Variants in CMIP observed in about 807,000 individuals in gnomAD.
CMIP encodes the protein c-Maf inducing protein, also known as C-Maf-inducing protein.
In CMIP, 13 loss-of-function variants were observed where a neutral mutation model predicts 97.3. That is an observed-to-expected ratio of 0.13 (90% CI 0.09 to 0.21). The LOEUF is 0.21. CMIP is among the 10% of genes least tolerant of loss of function. The probability of loss-of-function intolerance (pLI) is 1.00; values close to 1 mark genes in which losing one functional copy is unlikely to be tolerated. For missense variants in CMIP, 847 were observed against 1,024.9 expected, an observed-to-expected ratio of 0.83 and a Z score of 2.37; for synonymous variants, 538 against 436.3, an observed-to-expected ratio of 1.23 and a Z score of -2.91.
chr16:81,507,247 C>G (rs554655845), intron 1 of CMIP, among the ~76,000 whole-genome samples: 1 of 152,306 alleles, frequency 6.6e-6, no homozygotes, highest in East Asian at 1.9e-4. Context: ...GAGCTAGACT[C>G]TGTCTTAAAA....
chr16:81,656,214 G>A (rs2092480011), intron 4 of CMIP, among the ~76,000 whole-genome samples: 1 of 152,204 alleles, frequency 6.6e-6, no homozygotes, highest in Non-Finnish European at 1.5e-5. Context: ...GCCTCCCGCA[G>A]CCCTCGGGAG....
Position 81,445,012 on chromosome 16 carries a change from G to C in CMIP, c.-230G>C, listed in dbSNP as rs931523539. On this transcript the variant is annotated 5_prime_UTR_variant, in exon 1 of 21. Transcript: ENST00000537098. Reference sequence around the variant, plus strand: ...GCCGCCGCGAGCATGCACCCGACGAGCTAGGAGGAAGCCCGGAGCCCCGCA... The same window carrying C: ...GCCGCCGCGAGCATGCACCCGACGACCTAGGAGGAAGCCCGGAGCCCCGCA... Among the ~76,000 whole-genome samples, 1 of 145,298 alleles carries C rather than the reference G, an allele frequency of 6.9e-6. No individual in the cohort carries two copies. Among genetic ancestry groups the C allele is most frequent in the Non-Finnish European group, 1.5e-5 (1 of 65,386 alleles).
rs1460141171 is a variant in CMIP at position 81,711,355 on chromosome 16, CA to C, written c.*1557del. On this transcript the variant is annotated 3_prime_UTR_variant, in exon 21 of 21. Transcript: ENST00000537098. The stretch of plus-strand genomic sequence containing the variant: ...TGCTAGGTAGACTTTATTACCCCCC[CA>C]CTATGCCCTCATTTTTTTAAAAAAG... The C allele has an allele frequency of 6.6e-6, 1 of 152,176 alleles. No homozygotes were observed. The highest frequency in any genetic ancestry group is 2.4e-5 in the African/African-American group (1 of 41,320). The allele number at this position is 152,176 out of a possible 1,614,324, so 9.4% of individuals were successfully genotyped here.
chr16:81,645,914 G>C (rs1034107935), intron 3 of CMIP: 12 of 451,600 alleles, frequency 2.7e-5, no homozygotes, highest in African/African-American at 2.2e-4. Context: ...AAGGAAACTG[G>C]TGCAAGTAAT....
At chr16:81,626,515 G>A (rs1342477110) in intron 3 of CMIP, among the ~76,000 whole-genome samples, 1 of 150,504 alleles carries the variant, frequency 6.6e-6, no homozygotes. Flanking sequence ...CTGAGCATGT[G>A]TGTGTGTGGT....
chr16:81,578,983 C>T (rs2091249924), intron 1 of CMIP, among the ~76,000 whole-genome samples: 1 of 152,230 alleles, frequency 6.6e-6, no homozygotes, highest in African/African-American at 2.4e-5. Context: ...TCAGGAGACA[C>T]AGTTCCAGAT....
intron 1 of CMIP, among the ~76,000 whole-genome samples, chr16:81,490,018 C>T (rs2089380825): frequency 6.6e-6 from 1 of 152,094 alleles, no homozygotes; most frequent in Non-Finnish European, 1.5e-5. Context: ...TCTTTGGGTC[C>T]CTGGGGAGTG....
chr16:81,645,400 A>G, intron 3 of CMIP: 1 of 1,472,836 alleles, frequency 6.8e-7, no homozygotes. Context: ...GCAGCAGAGC[A>G]GCAGAGCAGC....
intron 10 of CMIP, among the ~76,000 whole-genome samples, chr16:81,685,609 G>A (rs1905294086): frequency 6.6e-6 from 1 of 151,622 alleles, no homozygotes; most frequent in Admixed American, 6.6e-5. Context: ...TAGTGCCGCA[G>A]TTACAGGTCA....
intron 10 of CMIP, among the ~76,000 whole-genome samples, chr16:81,690,507 G>A (rs982634352): frequency 6.6e-6 from 1 of 152,228 alleles, no homozygotes; most frequent in Non-Finnish European, 1.5e-5. Context: ...AGCACTTTGA[G>A]TTATTTATTT....
At chr16:81,677,636 C>T (rs1192030724) in intron 9 of CMIP, among the ~76,000 whole-genome samples, 2 of 152,220 alleles carry the variant, frequency 1.3e-5, no homozygotes, top group Non-Finnish European at 2.9e-5. Context: ...ATTAATAATG[C>T]CATAGAGCCC....
chr16:81,606,367 C>T (rs1355413951), intron 1 of CMIP, among the ~76,000 whole-genome samples: 1 of 152,124 alleles, frequency 6.6e-6, no homozygotes, highest in South Asian at 2.1e-4. Context: ...GGGAGGTGTT[C>T]GCTGTTATTC....
At chr16:81,560,756 G>A (rs996120293) in intron 1 of CMIP, among the ~76,000 whole-genome samples, 9 of 151,916 alleles carry the variant, frequency 5.9e-5, no homozygotes, top group Non-Finnish European at 1.0e-4. Flanking sequence ...ATATGTTTAG[G>A]TACACAAATA....
At chr16:81,476,045 G>C (rs565022567) in intron 1 of CMIP, 2 of 714,644 alleles carry the variant, frequency 2.8e-6, no homozygotes, top group East Asian at 2.7e-5. Context: ...TCCACAGTTA[G>C]CAATAGTGAT....
chr16:81,691,989 T>C, intron 11 of CMIP, 149 bp downstream of exon 11: 1 of 700,290 alleles, frequency 1.4e-6, no homozygotes, highest in Non-Finnish European at 2.6e-6. Context: ...CTCAGCCACG[T>C]CCTCAGCTGT....
chr16:81,520,568 G>GGGAGAGAGAGAGA (rs1476397359), intron 1 of CMIP: 6 of 121,486 alleles, frequency 4.9e-5, no homozygotes, highest in Non-Finnish European at 8.8e-5. Context: ...GGGAGGAAGG[G>GGGAGAGAGAGAGA]GGAGAGAGAG....
At chr16:81,454,781 T>C (rs1906444070) in intron 1 of CMIP, among the ~76,000 whole-genome samples, 3 of 152,184 alleles carry the variant, frequency 2.0e-5, no homozygotes, top group Admixed American at 2.0e-4. Context: ...TGTCTTGTCC[T>C]GTGTTTGGAC....
At chr16:81,538,072 C>CT (rs1157493623) in intron 1 of CMIP, among the ~76,000 whole-genome samples, 1 of 152,254 alleles carries the variant, frequency 6.6e-6, no homozygotes, top group East Asian at 1.9e-4. Flanking sequence ...ACACCACAGT[C>CT]TCGTTGCATC....
chr16:81,607,459 A>C (rs1462972187), intron 1 of CMIP, 108 bp from the exon 2 acceptor site: 2 of 1,429,800 alleles, frequency 1.4e-6, no homozygotes, highest in African/African-American at 2.8e-5. Flanking sequence ...CACCAGCTCC[A>C]TTTGCCTGTC....
Sources: allele counts gnomAD v4.1 joint callset (sites outside exome capture counted in the v4.1 genomes callset), GRCh38; gene constraint gnomAD v4.1.1; transcripts MANE v1.5; gene names NCBI Gene and HGNC (gene_info 2026-07-23, HGNC 2026-07-21).